The following TNRC18 variants were observed in gnomAD, a reference collection of about 807,000 sequenced individuals.
TNRC18 encodes trinucleotide repeat containing 18, also known as trinucleotide repeat-containing gene 18 protein.
In TNRC18, 69 loss-of-function variants were observed where a neutral mutation model predicts 226.7. That is an observed-to-expected ratio of 0.30 (90% CI 0.25 to 0.37). The LOEUF is 0.37. Among genes scored for constraint, TNRC18 ranks in the 10% least tolerant of loss-of-function variants. The pLI, the probability that TNRC18 is intolerant of heterozygous loss-of-function variation, is 1.00. For synonymous variants in TNRC18, 2,449 were observed against 1,927.6 expected (o/e 1.27, Z -7.09); for missense variants, 4,754 against 4,256.6 (o/e 1.12, Z -3.25).
chr7:5,375,990 T>A, intron 9 of TNRC18, 44 bp downstream of exon 9: 1 of 1,544,724 alleles, frequency 6.5e-7, no homozygotes, highest in Non-Finnish European at 8.7e-7. Flanking sequence ...TCGTCACCCA[T>A]GGGGGCCCCC....
chr7:5,346,357 C>T (rs1368189491), intron 17 of TNRC18, among the ~76,000 whole-genome samples: 3 of 152,104 alleles, frequency 2.0e-5, no homozygotes, highest in Non-Finnish European at 2.9e-5. Flanking sequence ...CAGGGGACCC[C>T]CATGGTTTCA....
intron 25 of TNRC18, 27 bp from the exon 26 acceptor site, chr7:5,315,175 A>G (rs554276494): frequency 1.1e-5 from 18 of 1,603,754 alleles, no homozygotes; most frequent in Non-Finnish European, 1.7e-6. Flanking sequence ...AGAGTGGCTC[A>G]TCAGGCCTGG....
intron 18 of TNRC18, among the ~76,000 whole-genome samples, chr7:5,345,332 AAGG>A (rs1791062096): frequency 6.6e-6 from 1 of 152,142 alleles, no homozygotes; most frequent in African/African-American, 2.4e-5. Context: ...TGTGAGACTG[AAGG>A]AGGTCGCCCT....
chr7:5,313,284 T>A lies in TNRC18; in HGVS notation c.7607A>T (p.Glu2536Val), dbSNP rs1583729110. 2 of 1,548,542 alleles carry A rather than the reference T, an allele frequency of 1.3e-6. No homozygotes were observed. Among genetic ancestry groups the A allele is most frequent in the East Asian group, 4.9e-5 (2 of 40,894 alleles). The change falls in exon 27 of 30, where the codon GAG becomes GTG. Residue 2536 changes from glutamate to valine, a missense_variant. Glu to Val is a moderately radical substitution (Grantham distance 121). Coordinates refer to ENST00000430969, the MANE Select transcript of TNRC18 (RefSeq NM_001080495.3). ...TGGGCTCTTGGGGTTCCCAGAGTCC[T>A]CGAACGTGAGCCCCGGCCCGGGCTC... ...AQEPGPGLTF[E>V]DSGNPKSPDK...
Position 5,377,330 on chromosome 7 carries a change from C to G in TNRC18, c.2461+41G>C, listed in dbSNP as rs761266199. 8.0e-7 allele frequency: 1 copy of G among 1,248,976 alleles called. No individual in the cohort carries two copies. Among genetic ancestry groups the G allele is most frequent in the South Asian group, 1.4e-5 (1 of 69,508 alleles). 77.4% of individuals were successfully genotyped at this position (1,248,976 alleles called of 1,614,324 possible). On this transcript the variant is annotated intron_variant, in intron 7 of 29. Transcript: ENST00000430969. This position sits in a 1 kb window ranked among gnomAD's most constrained non-coding sequence, Gnocchi z 5.8. ...GTCCTGCACCCGCCCCCTCCCACCC[C>G]TCCCTCAGAGAAGGGGAGAGACCCT...
chr7:5,331,788 T>C (rs753784491), intron 19 of TNRC18, among the ~76,000 whole-genome samples: 22 of 152,120 alleles, frequency 1.4e-4, no homozygotes, highest in Non-Finnish European at 2.9e-4. Flanking sequence ...TATGCACCTG[T>C]AGTCCCAGCT....
chr7:5,389,327 T>G lies in TNRC18; in HGVS notation c.497A>C (p.Tyr166Ser). ...KGQGPGGDGF[Y>S]LPTAGAPGSL... ...GCCCGGAGCCCCCGCGGTGGGCAGG[T>G]AGAAACCGTCTGCGGAGAAGGGAAC... The change falls in exon 5 of 30, where the codon TAC becomes TCC. Residue 166 changes from tyrosine to serine, a missense_variant. Physicochemically the swap from Tyr to Ser is moderately radical, Grantham distance 144. Coordinates refer to ENST00000430969, the MANE Select transcript of TNRC18 (RefSeq NM_001080495.3). 7.8e-7 allele frequency: 1 copy of G among 1,279,370 alleles called. No homozygotes were observed. The highest frequency in any genetic ancestry group is 9.9e-7 in the Non-Finnish European group (1 of 1,013,394). The allele number at this position is 1,279,370 out of a possible 1,614,324, so 79.3% of individuals were successfully genotyped here.
At chr7:5,376,519 C>T (rs1794695259) in intron 8 of TNRC18, among the ~76,000 whole-genome samples, 2 of 152,190 alleles carry the variant, frequency 1.3e-5, no homozygotes, top group Admixed American at 1.3e-4. Context: ...ACTGTGAGGA[C>T]CTAGGGAACG....
rs555957182 is a variant in TNRC18 at position 5,404,446 on chromosome 7, C to T, written c.188-9851G>A. ...CTAAACTCCATCGAAATTTCAAGGC[C>T]ATTAGCATTACAAAGAAGTATTGAA... is the stretch of plus-strand genomic sequence containing the variant. On this transcript the variant is annotated intron_variant, in intron 2 of 29. Transcript: ENST00000430969. Among the ~76,000 whole-genome samples, 113 of 152,134 alleles carry T rather than the reference C, an allele frequency of 7.4e-4. 3 individuals are homozygous for T. Among genetic ancestry groups the T allele is most frequent in the Non-Finnish European group, 2.8e-4 (19 of 68,016 alleles).
chr7:5,408,468 T>C (rs1781627920), intron 2 of TNRC18, among the ~76,000 whole-genome samples: 1 of 151,664 alleles, frequency 6.6e-6, no homozygotes, highest in Non-Finnish European at 1.5e-5. Context: ...GCCAACATGA[T>C]GAAACCCTGT....
chr7:5,406,456 T>C (rs774813059), intron 2 of TNRC18, among the ~76,000 whole-genome samples: 33 of 151,890 alleles, frequency 2.2e-4, no homozygotes, highest in Non-Finnish European at 3.5e-4. Context: ...AGCGAGACTC[T>C]GTCTCAAAAA....
At chr7:5,325,503 A>G (rs1341664607) in intron 19 of TNRC18, 1 of 412,220 alleles carries the variant, frequency 2.4e-6, no homozygotes, top group African/African-American at 2.2e-5. Flanking sequence ...GGCTCACTGC[A>G]AGCTCTGCCT....
chr7:5,399,656 A>AGCCTTTTTGGGTTGAGGTGAT (rs1780942405), intron 2 of TNRC18, among the ~76,000 whole-genome samples: 1 of 151,966 alleles, frequency 6.6e-6, no homozygotes, highest in Admixed American at 6.6e-5. Context: ...CAGTGAGCCA[A>AGCCTTTTTGGGTTGAGGTGAT]GATCGCGCCA....
At chr7:5,317,577 C>G (rs1225353073) in intron 24 of TNRC18, among the ~76,000 whole-genome samples, 2 of 150,918 alleles carry the variant, frequency 1.3e-5, no homozygotes, top group African/African-American at 2.4e-5. Flanking sequence ...GGTGACAGAG[C>G]AAGACTCTGT....
chr7:5,401,184 A>G (rs1393394030), intron 2 of TNRC18, among the ~76,000 whole-genome samples: 2 of 131,122 alleles, frequency 1.5e-5, no homozygotes, highest in South Asian at 5.1e-4. Context: ...GGACCCTTCT[A>G]GAAACTGTAT....
At chr7:5,369,768 T>A (rs1252780302) in intron 11 of TNRC18, among the ~76,000 whole-genome samples, 2 of 151,922 alleles carry the variant, frequency 1.3e-5, no homozygotes, top group Non-Finnish European at 2.9e-5. Context: ...TAAATGAGAG[T>A]TTCTGTTCCT....
At chr7:5,411,102 G>A (rs1781809960) in intron 2 of TNRC18, among the ~76,000 whole-genome samples, 1 of 151,180 alleles carries the variant, frequency 6.6e-6, no homozygotes, top group Admixed American at 6.6e-5. Flanking sequence ...CCAGCTACTT[G>A]CTACTTGGGA....
chr7:5,379,663 G>A (rs944395191), intron 5 of TNRC18, among the ~76,000 whole-genome samples: 1 of 152,230 alleles, frequency 6.6e-6, no homozygotes, highest in Non-Finnish European at 1.5e-5. Flanking sequence ...GCCCCTCTTT[G>A]AGTGTTCAAC....
intron 8 of TNRC18, 143 bp downstream of exon 8, chr7:5,376,704 A>T (rs1779000066): frequency 3.1e-6 from 3 of 965,270 alleles, no homozygotes; most frequent in Admixed American, 2.7e-5. Context: ...CTGGCAACAG[A>T]TGTTCTCTCT....
Sources: gnomAD v4.1 joint callset for allele counts (sites outside exome capture counted in the v4.1 genomes callset) on GRCh38, gnomAD v4.1.1 for gene constraint, Gnocchi (gnomAD v3.1) non-coding constraint, MANE v1.5 for transcripts, NCBI Gene and HGNC (gene_info 2026-07-23, HGNC 2026-07-21) for gene names.